NUDT5: variants seen among roughly 807,000 people sequenced by gnomAD.
NUDT5 encodes ADP-sugar pyrophosphatase.
A neutral mutation model predicts 34.1 loss-of-function variants in NUDT5; 21 were observed. The ratio of observed to expected loss-of-function variants is 0.62; its 90% CI spans 0.44 to 0.89. The LOEUF (loss-of-function observed/expected upper bound fraction) is 0.89. Among genes scored for constraint, NUDT5 ranks in the 40% least tolerant of loss-of-function variants. NUDT5 has a pLI of 0.00. For synonymous variants in NUDT5, 85 were observed against 97.6 expected (o/e 0.87, Z 0.76); for missense variants, 249 against 274.8 (o/e 0.91, Z 0.66).
chr10:12,173,961 A>G lies in NUDT5; in HGVS notation c.290-148T>C, dbSNP rs1834905492. ...GGCCCACTGCAACCTCCGCCCGTCCAGGTTTAAGCAATTCTCTGCTTCAGC... is the reference window on the plus strand; with the variant it reads ...GGCCCACTGCAACCTCCGCCCGTCCGGGTTTAAGCAATTCTCTGCTTCAGC... On this transcript the variant is annotated intron_variant, in intron 5 of 9. Coordinates refer to ENST00000491614, the MANE Select transcript of NUDT5 (RefSeq NM_014142.4). The surrounding 1 kb of genome is among the most constrained non-coding windows in gnomAD (Gnocchi z 4.7). 3.2e-6 allele frequency: 2 copies of G among 622,744 alleles called. No individual in the cohort carries two copies. The highest frequency in any genetic ancestry group is 2.9e-6 in the Non-Finnish European group (1 of 345,798). 38.6% of individuals were successfully genotyped at this position (622,744 alleles called of 1,614,324 possible).
intron 7 of NUDT5, among the ~76,000 whole-genome samples, chr10:12,172,009 G>C (rs1385712296): frequency 6.6e-6 from 1 of 152,050 alleles, no homozygotes; most frequent in East Asian, 1.9e-4. Flanking sequence ...ACAGGCATGA[G>C]CCACCACGCC....
chr10:12,168,754 C>A lies in NUDT5; in HGVS notation c.551-943G>T, dbSNP rs187859990. Reference sequence around the variant, plus strand: ...ATGCTACTCTTTGTAGCAAACTGATCTTTTTTTAATTTTTTTTTTATGTTT... The same window carrying A: ...ATGCTACTCTTTGTAGCAAACTGATATTTTTTTAATTTTTTTTTTATGTTT... On this transcript the variant is annotated intron_variant, in intron 9 of 9. Transcript: ENST00000491614. The surrounding 1 kb of genome is among the most constrained non-coding windows in gnomAD (Gnocchi z 4.8). 9.9e-5 allele frequency among the ~76,000 whole-genome samples: 15 copies of A among 152,084 alleles called. No individual in the cohort carries two copies. Among genetic ancestry groups the A allele is most frequent in the African/African-American group, 3.6e-4 (15 of 41,492 alleles).
rs769964605 is a variant in NUDT5, at chr10:12,173,191, G to A, written c.386-325C>T. Among the ~76,000 whole-genome samples, 2 of 152,160 alleles carry A rather than the reference G, an allele frequency of 1.3e-5. No individual in the cohort carries two copies. Among genetic ancestry groups the A allele is most frequent in the African/African-American group, 4.8e-5 (2 of 41,434 alleles). On this transcript the variant is annotated intron_variant, in intron 6 of 9. Transcript: ENST00000491614. This position sits in a 1 kb window ranked among gnomAD's most constrained non-coding sequence, Gnocchi z 4.7. ...GAGATGGGTGAGCAATAAAACTCAG[G>A]GGGTAGGAAATTCCTAAAGGCAATT...
At position 12,168,108 on chromosome 10, in the gene NUDT5, T is replaced by C. The variant is rs1834752660; in HGVS notation, c.551-297A>G. Among the ~76,000 whole-genome samples the C allele has an allele frequency of 6.6e-6, 1 of 151,374 alleles. No individual in the cohort carries two copies. Among genetic ancestry groups the C allele is most frequent in the Admixed American group, 6.6e-5 (1 of 15,148 alleles). On this transcript the variant is annotated intron_variant, in intron 9 of 9. Coordinates refer to ENST00000491614, the MANE Select transcript of NUDT5 (RefSeq NM_014142.4). The surrounding 1 kb of genome is among the most constrained non-coding windows in gnomAD (Gnocchi z 4.8). ...GGCGTGATCTCGGCTCACTGCAACC[T>C]CTGCCTCCTGGGTTTAAGCGATTCT...
rs1368459605 is a variant in NUDT5 at position 12,195,882 on chromosome 10, A to G, written c.-154T>C. On this transcript the variant is annotated 5_prime_UTR_variant, in exon 1 of 10. Transcript: ENST00000491614. ...ACACCGGCGCCTCTCGCGGTGCTAAAAGGATGGGCGCGCACCCTCCTTCCG... is the reference window on the plus strand; with the variant it reads ...ACACCGGCGCCTCTCGCGGTGCTAAGAGGATGGGCGCGCACCCTCCTTCCG... 1.4e-5 allele frequency: 4 copies of G among 279,064 alleles called. No individual in the cohort carries two copies. Among genetic ancestry groups the G allele is most frequent in the African/African-American group, 6.8e-5 (3 of 44,418 alleles). The allele number at this position is 279,064 out of a possible 1,614,324, so 17.3% of individuals were successfully genotyped here.
At position 12,186,299 on chromosome 10, in the gene NUDT5, C is replaced by T. The variant is rs2272207; in HGVS notation, c.-8G>A. On this transcript the variant is annotated 5_prime_UTR_variant, in exon 2 of 10. Transcript: ENST00000491614. ...TGGTTCTTGGCTCTCCATTTTCAAA[C>T]GAGTCTTTACAGCCCTCAGGTGAGA... is the stretch of plus-strand genomic sequence containing the variant. The T allele has an allele frequency of 0.071, 113,528 of 1,602,188 alleles. 4,559 individuals carry two copies. The highest frequency in any genetic ancestry group is 0.082 in the Non-Finnish European group (95,461 of 1,168,964).
Position 12,187,272 on chromosome 10 carries a change from G to A in NUDT5, c.-41-940C>T, listed in dbSNP as rs528185186. On this transcript the variant is annotated intron_variant, in intron 1 of 9. Coordinates refer to ENST00000491614, the MANE Select transcript of NUDT5 (RefSeq NM_014142.4). The surrounding 1 kb of genome is among the most constrained non-coding windows in gnomAD (Gnocchi z 5.4). ...TGGTCTCAGACTCCCGGGCTCAAGC[G>A]ATCCTCCTCCCGCCTCGGTGTCCCA... Among the ~76,000 whole-genome samples, 6 of 151,328 alleles carry A rather than the reference G, an allele frequency of 4.0e-5. No homozygotes were observed. Among genetic ancestry groups the A allele is most frequent in the South Asian group, 4.2e-4 (2 of 4,768 alleles).
intron 2 of NUDT5, 135 bp downstream of exon 2, chr10:12,186,094 C>CA: frequency 1.4e-6 from 1 of 723,676 alleles, no homozygotes. Context: ...TGCCCGAGCC[C>CA]AAAAAAGGGA....
Position 12,166,695 on chromosome 10 carries a change from TG to T in NUDT5, c.*1006del. ...GATGAGAATCATCCTGAGAATTCCG[TG>T]GGGGCCAGACTGGAAAGTCCTGGAA... is the stretch of plus-strand genomic sequence containing the variant. On this transcript the variant is annotated 3_prime_UTR_variant, in exon 10 of 10. Transcript: ENST00000491614. 2 of 505,532 alleles carry T rather than the reference TG, an allele frequency of 4.0e-6. No homozygotes were observed. The highest frequency in any genetic ancestry group is 4.1e-6 in the Non-Finnish European group (1 of 246,490). 31.3% of individuals were successfully genotyped at this position (505,532 alleles called of 1,614,324 possible).
chr10:12,170,052 TCTC>T lies in NUDT5; in HGVS notation c.550+662_550+664del, dbSNP rs770808945. On this transcript the variant is annotated intron_variant, in intron 9 of 9. Transcript: ENST00000491614. The surrounding 1 kb of genome is among the most constrained non-coding windows in gnomAD (Gnocchi z 4.9). ...GCCCATGGTATGTCTCCATACAGTA[TCTC>T]CTCGTCTCCACACAGTATCTCCTCA... is the stretch of plus-strand genomic sequence containing the variant. The T allele has an allele frequency of 3.2e-5, 49 of 1,538,970 alleles. No individual in the cohort carries two copies. The highest frequency in any genetic ancestry group is 4.1e-5 in the Non-Finnish European group (46 of 1,113,470).
At position 12,165,379 on chromosome 10, in the gene NUDT5, TG is replaced by T; in HGVS notation, c.*2322del. The T allele has an allele frequency of 1.0e-6, 1 of 970,374 alleles. No individual in the cohort carries two copies. The highest frequency in any genetic ancestry group is 1.2e-6 in the Non-Finnish European group (1 of 816,300). The allele number at this position is 970,374 out of a possible 1,614,324, so 60.1% of individuals were successfully genotyped here. A position where few individuals can be genotyped will look rare whatever the true frequency, so the allele number is the denominator to read the frequency against. On this transcript the variant is annotated 3_prime_UTR_variant, in exon 10 of 10. Coordinates refer to ENST00000491614, the MANE Select transcript of NUDT5 (RefSeq NM_014142.4). ...TTTAAGAAAACTGATTCAGTTGTGT[TG>T]GAAAAAATAAAGAAATCTGATATTA... is the stretch of plus-strand genomic sequence containing the variant.
At chr10:12,194,378 T>C (rs1000234817) in intron 1 of NUDT5, among the ~76,000 whole-genome samples, 10 of 152,248 alleles carry the variant, frequency 6.6e-5, no homozygotes, top group African/African-American at 2.4e-4. Context: ...GAGCGACTGC[T>C]CCTGTCTGCC....
intron 5 of NUDT5, among the ~76,000 whole-genome samples, chr10:12,174,855 G>A (rs1345103869): frequency 6.6e-6 from 1 of 152,160 alleles, no homozygotes; most frequent in Non-Finnish European, 1.5e-5. Context: ...AGCATCACCT[G>A]TCTTGTCTTC....
intron 2 of NUDT5, 112 bp from the exon 3 acceptor site, chr10:12,185,068 C>G (rs2140660): frequency 1 from 617,465 of 617,646 alleles, 308,643 homozygotes; most frequent in Middle Eastern, 1. Flanking sequence ...CAATAATCAT[C>G]TTTCCTTCCC....
Position 12,170,324 on chromosome 10 carries a change from C to A in NUDT5, c.550+393G>T. 2.3e-6 allele frequency: 2 copies of A among 880,184 alleles called. No individual in the cohort carries two copies. Among genetic ancestry groups the A allele is most frequent in the Non-Finnish European group, 3.6e-6 (2 of 556,164 alleles). The allele number at this position is 880,184 out of a possible 1,614,324, so 54.5% of individuals were successfully genotyped here. On this transcript the variant is annotated intron_variant, in intron 9 of 9. Transcript: ENST00000491614. The surrounding 1 kb of genome is among the most constrained non-coding windows in gnomAD (Gnocchi z 4.9). ...CATCATCAATTTCTCCTTGAACATA[C>A]AGCCTCCACAAAGGACCATCCCTCA... is the stretch of plus-strand genomic sequence containing the variant.
intron 1 of NUDT5, among the ~76,000 whole-genome samples, chr10:12,195,098 T>G (rs138244402): frequency 6.6e-6 from 1 of 152,296 alleles, no homozygotes; most frequent in African/African-American, 2.4e-5. Flanking sequence ...AGGCGGAGGT[T>G]GCAGTGAGCC....
rs965035794 is a variant in NUDT5, at chr10:12,185,248, G to A, written c.64-292C>T. Among the ~76,000 whole-genome samples, 15 of 152,226 alleles carry A rather than the reference G, an allele frequency of 9.9e-5. 1 individual carries two copies. Among genetic ancestry groups the A allele is most frequent in the African/African-American group, 3.4e-4 (14 of 41,458 alleles). On this transcript the variant is annotated intron_variant, in intron 2 of 9. Coordinates refer to ENST00000491614, the MANE Select transcript of NUDT5 (RefSeq NM_014142.4). ...GCTGGGGGAAGGGGTGGGGCATGGA[G>A]GTAACTGGAAGGGAGCACATGGGGT... is the stretch of plus-strand genomic sequence containing the variant.
chr10:12,188,773 G>GA (rs1835171766), intron 1 of NUDT5, among the ~76,000 whole-genome samples: 1 of 128,020 alleles, frequency 7.8e-6, no homozygotes, highest in Non-Finnish European at 1.7e-5. Flanking sequence ...GAGGGACAAA[G>GA]ACCCTCACTC....
In NUDT5 at chr10:12,175,498, C is replaced by T. The variant is rs980867928; in HGVS notation, c.290-1685G>A. ...CCATCTCTACAAAAAATTTAAAAAT[C>T]GAATGCGGTGATGCACGCCTGCAGA... On this transcript the variant is annotated intron_variant, in intron 5 of 9. Transcript: ENST00000491614. This position sits in a 1 kb window ranked among gnomAD's most constrained non-coding sequence, Gnocchi z 4.8. Among the ~76,000 whole-genome samples, 2 of 150,212 alleles carry T rather than the reference C, an allele frequency of 1.3e-5. No individual in the cohort carries two copies. Among genetic ancestry groups the T allele is most frequent in the African/African-American group, 2.5e-5 (1 of 40,784 alleles).
Sources: allele counts gnomAD v4.1 joint callset (sites outside exome capture counted in the v4.1 genomes callset), GRCh38; gene constraint gnomAD v4.1.1; non-coding constraint Gnocchi (gnomAD v3.1); transcripts MANE v1.5; gene names NCBI Gene and HGNC (gene_info 2026-07-23, HGNC 2026-07-21).